PLEKHG6: variants seen among roughly 807,000 people sequenced by gnomAD.
The protein encoded by PLEKHG6 is pleckstrin homology domain-containing family G member 6.
Under a neutral mutation model 97.5 loss-of-function variants are expected in PLEKHG6, and 91 were observed. That is an observed-to-expected ratio of 0.93 (90% CI 0.79 to 1.11). The LOEUF (loss-of-function observed/expected upper bound fraction) is 1.11, where lower values mean the gene tolerates loss of function less well. Ranked by LOEUF, PLEKHG6 falls within the 50% of genes most tolerant of loss-of-function variation. The pLI, the probability that PLEKHG6 is intolerant of heterozygous loss-of-function variation, is 0.00. For synonymous variants in PLEKHG6, 466 were observed against 425.5 expected (o/e 1.10, Z -1.17); for missense variants, 1,044 against 1,031.0 (o/e 1.01, Z -0.17).
intron 13 of PLEKHG6, among the ~76,000 whole-genome samples, chr12:6,325,432 A>C (rs185267600): frequency 3.3e-5 from 5 of 152,348 alleles, no homozygotes; most frequent in African/African-American, 9.6e-5. Flanking sequence ...CCACATGTGC[A>C]AAAGTGCTTT....
chr12:6,327,479 T>TGC lies in PLEKHG6; in HGVS notation c.1896_1897insGC (p.Pro633AlafsTer23). The TGC allele has an allele frequency of 1.9e-6, 3 of 1,603,256 alleles. No individual in the cohort carries two copies. Among genetic ancestry groups the TGC allele is most frequent in the African/African-American group, 1.3e-5 (1 of 74,596 alleles). ...TGGAACTCCGGGACATCCCTCTGCG[T>TGC]CCCCACCCTCCCGACCCCCAAGCTC... On this transcript the variant is annotated frameshift_variant, in exon 15 of 16. Transcript: ENST00000684764. LOFTEE classifies it high-confidence loss of function.
At chr12:6,323,114 C>T (rs1947754531) in intron 13 of PLEKHG6, among the ~76,000 whole-genome samples, 1 of 152,274 alleles carries the variant, frequency 6.6e-6, no homozygotes, top group East Asian at 1.9e-4. Flanking sequence ...AACAGCCAGA[C>T]TCTCACCTTC....
Position 6,313,812 on chromosome 12 carries a change from C to G in PLEKHG6, c.294+28C>G, listed in dbSNP as rs375642443. ...AAGGGGGTCCCTCTCCTCCCATCCC[C>G]ACACATACGGCCCCAATTGTGATGG... On this transcript the variant is annotated intron_variant, in intron 3 of 15. Transcript: ENST00000684764. The G allele has an allele frequency of 3.3e-5, 50 of 1,534,234 alleles. 1 individual carries two copies. The highest frequency in any genetic ancestry group is 1.4e-5 in the African/African-American group (1 of 72,108).
intron 13 of PLEKHG6, among the ~76,000 whole-genome samples, chr12:6,323,393 ACT>A (rs757839026): frequency 5.3e-5 from 8 of 152,136 alleles, no homozygotes; most frequent in Non-Finnish European, 2.9e-5. Context: ...GGCAGTAGAA[ACT>A]CTGTTGGTCC....
intron 2 of PLEKHG6, 158 bp downstream of exon 2, chr12:6,312,522 C>T (rs779408119): frequency 8.8e-5 from 97 of 1,105,314 alleles, no homozygotes; most frequent in Non-Finnish European, 1.1e-4. Flanking sequence ...AGGGCAGTGA[C>T]AGGGCCAGGC....
In PLEKHG6 at chr12:6,316,009, T is replaced by C; in HGVS notation, c.606+90T>C. On this transcript the variant is annotated intron_variant, in intron 6 of 15. Transcript: ENST00000684764. The surrounding 1 kb of genome is among the most constrained non-coding windows in gnomAD (Gnocchi z 4.1). ...GCCCTCCAGCCATCCCTGTCTGAAT[T>C]CCCACTGCCCCGTTTTTTGGGATGC... 1 of 1,250,194 alleles carries C rather than the reference T, an allele frequency of 8.0e-7. No homozygotes were observed. Among genetic ancestry groups the C allele is most frequent in the Non-Finnish European group, 1.1e-6 (1 of 895,364 alleles). The allele number at this position is 1,250,194 out of a possible 1,614,324, so 77.4% of individuals were successfully genotyped here.
At chr12:6,313,906 G>A (rs564238285) in intron 3 of PLEKHG6, 122 bp downstream of exon 3, 2 of 876,422 alleles carry the variant, frequency 2.3e-6, no homozygotes, top group Admixed American at 6.2e-5. Flanking sequence ...CTGCCAGTCA[G>A]ACATGGCTCT....
At chr12:6,326,646 T>C (rs1006910806) in intron 14 of PLEKHG6, 73 bp downstream of exon 14, 37 of 1,322,596 alleles carry the variant, frequency 2.8e-5, no homozygotes, top group Middle Eastern at 2.3e-4. Context: ...ATGGCATTAC[T>C]GCACATTTTT....
At position 6,316,986 on chromosome 12, in the gene PLEKHG6, C is replaced by T. The variant is rs1346700162; in HGVS notation, c.757-317C>T. Among the ~76,000 whole-genome samples the T allele has an allele frequency of 6.6e-6, 1 of 152,188 alleles. No individual in the cohort carries two copies. Among genetic ancestry groups the T allele is most frequent in the Non-Finnish European group, 1.5e-5 (1 of 68,028 alleles). ...CAGGGTGAAATGGGATCTGCAATGTCCTGACAACGGTCCAGCTGAATTATC... is the reference window on the plus strand; with the variant it reads ...CAGGGTGAAATGGGATCTGCAATGTTCTGACAACGGTCCAGCTGAATTATC... On this transcript the variant is annotated intron_variant, in intron 7 of 15. Coordinates refer to ENST00000684764, the MANE Select transcript of PLEKHG6 (RefSeq NM_001384598.1). The surrounding 1 kb of genome is among the most constrained non-coding windows in gnomAD (Gnocchi z 4.1).
At position 6,327,896 on chromosome 12, in the gene PLEKHG6, G is replaced by T. The variant is rs2136803592; in HGVS notation, c.2313G>T (p.Gln771His). 6.7e-7 allele frequency: 1 copy of T among 1,487,432 alleles called. No individual in the cohort carries two copies. The highest frequency in any genetic ancestry group is 2.3e-5 in the East Asian group (1 of 42,566). The allele number at this position is 1,487,432 out of a possible 1,614,324, so 92.1% of individuals were successfully genotyped here. A position where few individuals can be genotyped will look rare whatever the true frequency, so the allele number is the denominator to read the frequency against. The change falls in exon 15 of 16, where the codon CAG becomes CAT. Residue 771 changes from glutamine (Q) to histidine (H), a missense_variant. By Grantham distance (24) the Gln-to-His change is conservative. Transcript: ENST00000684764. ...RPRKLTRAQLQRMRGPHIIQL... is the reference protein window; with the variant it reads ...RPRKLTRAQLHRMRGPHIIQL... ...GGAAGCTGACTCGGGCCCAGCTGCA[G>T]AGGATGCGGGGGCCCCACATCATTC...
intron 2 of PLEKHG6, chr12:6,312,990 A>T: frequency 3.5e-6 from 5 of 1,436,960 alleles, no homozygotes; most frequent in Non-Finnish European, 4.6e-6. Context: ...TGGAGATGGG[A>T]CTTTCCTAGG....
chr12:6,323,291 C>T (rs1947757753), intron 13 of PLEKHG6, among the ~76,000 whole-genome samples: 1 of 152,210 alleles, frequency 6.6e-6, no homozygotes. Context: ...ACAAAGAAAA[C>T]TGAAACTTTG....
intron 14 of PLEKHG6, 111 bp downstream of exon 14, chr12:6,326,684 G>A (rs1165146756): frequency 1.7e-5 from 18 of 1,053,278 alleles, no homozygotes; most frequent in African/African-American, 5.0e-5. Flanking sequence ...ATAGAGGAAC[G>A]CAGGCGTAGG....
chr12:6,317,449 A>T, intron 8 of PLEKHG6, 36 bp downstream of exon 8: 1 of 1,609,000 alleles, frequency 6.2e-7, no homozygotes. Flanking sequence ...GGACGGGTGC[A>T]TCTTAGCCGG....
At chr12:6,310,511 T>C (rs1256625584), upstream of PLEKHG6, 1 of 151,326 alleles carries the variant, frequency 6.6e-6, no homozygotes, top group African/African-American at 2.4e-5. Flanking sequence ...GGGTGTCGAG[T>C]TCAGGTGCGA....
At chr12:6,324,292 T>TCCCCCCCCCCCCCCCC (rs60601739) in intron 13 of PLEKHG6, among the ~76,000 whole-genome samples, 1 of 121,760 alleles carries the variant, frequency 8.2e-6, no homozygotes, top group South Asian at 2.8e-4. Flanking sequence ...CTCGCCCCCC[T>TCCCCCCCCCCCCCCCC]CCCCCCCCCG....
chr12:6,316,503 T>C lies in PLEKHG6; in HGVS notation c.756+99T>C. On this transcript the variant is annotated intron_variant, in intron 7 of 15. Transcript: ENST00000684764. This position sits in a 1 kb window ranked among gnomAD's most constrained non-coding sequence, Gnocchi z 4.1. ...CCCACAGTATGCAAATCTCTGTGAT[T>C]TGAGGGGCCGCAGGACACAGCCCCT... is the stretch of plus-strand genomic sequence containing the variant. 2 of 1,193,210 alleles carry C rather than the reference T, an allele frequency of 1.7e-6. No homozygotes were observed. Among genetic ancestry groups the C allele is most frequent in the Non-Finnish European group, 2.3e-6 (2 of 871,760 alleles). 73.9% of individuals were successfully genotyped at this position (1,193,210 alleles called of 1,614,324 possible). A position where few individuals can be genotyped will look rare whatever the true frequency, so the allele number is the denominator to read the frequency against.
rs748355787 is a variant in PLEKHG6 at position 6,315,290 on chromosome 12, C to T, written c.459+121C>T. ...CATGTGGAAAAAACATCTGGAAACGCGTTGATCTGGGTTCAGATCCCAGCT... is the reference window on the plus strand; with the variant it reads ...CATGTGGAAAAAACATCTGGAAACGTGTTGATCTGGGTTCAGATCCCAGCT... On this transcript the variant is annotated intron_variant, in intron 4 of 15. Coordinates refer to ENST00000684764, the MANE Select transcript of PLEKHG6 (RefSeq NM_001384598.1). This position sits in a 1 kb window ranked among gnomAD's most constrained non-coding sequence, Gnocchi z 4.5. 75 of 1,046,628 alleles carry T rather than the reference C, an allele frequency of 7.2e-5. No homozygotes were observed. The highest frequency in any genetic ancestry group is 9.0e-5 in the Non-Finnish European group (66 of 733,012). 64.8% of individuals were successfully genotyped at this position (1,046,628 alleles called of 1,614,324 possible). A position where few individuals can be genotyped will look rare whatever the true frequency, so the allele number is the denominator to read the frequency against.
intron 2 of PLEKHG6, chr12:6,313,316 G>C: frequency 1.1e-6 from 1 of 917,376 alleles, no homozygotes; most frequent in Non-Finnish European, 1.7e-6. Flanking sequence ...GAGGCAGTGG[G>C]GGCACACACA....
Sources: allele counts gnomAD v4.1 joint callset (sites outside exome capture counted in the v4.1 genomes callset), GRCh38; gene constraint gnomAD v4.1.1; non-coding constraint Gnocchi (gnomAD v3.1); transcripts MANE v1.5; gene names NCBI Gene and HGNC (gene_info 2026-07-23, HGNC 2026-07-21).